ST6GALNAC3: variants seen among roughly 807,000 people sequenced by gnomAD.
ST6GALNAC3 encodes alpha-N-acetylgalactosaminide alpha-2,6-sialyltransferase 3.
ST6GALNAC3 carries 25 observed loss-of-function variants against 32.7 expected under a neutral mutation model. The observed-to-expected ratio is 0.76, with a 90% CI of 0.56 to 1.07. The LOEUF (loss-of-function observed/expected upper bound fraction) is 1.07, where lower values mean the gene tolerates loss of function less well. Ranked by LOEUF, ST6GALNAC3 falls within the 50% of genes least tolerant of loss-of-function variation. The pLI is 0.00. For synonymous variants in ST6GALNAC3, 129 were observed against 133.1 expected, an observed-to-expected ratio of 0.97 and a Z score of 0.21; for missense variants, 355 against 382.4, an observed-to-expected ratio of 0.93 and a Z score of 0.60.
intron 1 of ST6GALNAC3, among the ~76,000 whole-genome samples, chr1:76,254,878 A>G (rs1657828171): frequency 6.6e-6 from 1 of 152,072 alleles, no homozygotes. Flanking sequence ...AGGCAACTTG[A>G]GCAGGAACAA....
chr1:76,291,574 G>A (rs1280314527), intron 1 of ST6GALNAC3, among the ~76,000 whole-genome samples: 1 of 152,236 alleles, frequency 6.6e-6, no homozygotes, highest in East Asian at 1.9e-4. Context: ...CGAAAGAGCA[G>A]GCTGCTTGTC....
chr1:76,126,007 G>A (rs563540125), intron 1 of ST6GALNAC3, among the ~76,000 whole-genome samples: 1 of 152,286 alleles, frequency 6.6e-6, no homozygotes, highest in South Asian at 2.1e-4. Context: ...GAGACAGCAA[G>A]GTCCCCTGGG....
chr1:76,304,999 G>A (rs1023541784), intron 1 of ST6GALNAC3, among the ~76,000 whole-genome samples: 1 of 152,022 alleles, frequency 6.6e-6, no homozygotes, highest in South Asian at 2.1e-4. Flanking sequence ...CACCTGTTCC[G>A]ATTACCTTCA....
At chr1:76,149,452 C>T (rs1176915517) in intron 1 of ST6GALNAC3, among the ~76,000 whole-genome samples, 3 of 152,190 alleles carry the variant, frequency 2.0e-5, no homozygotes, top group African/African-American at 7.2e-5. Context: ...GGATAATCCC[C>T]ACTTCCCCGC....
intron 1 of ST6GALNAC3, among the ~76,000 whole-genome samples, chr1:76,120,896 G>A (rs1342453222): frequency 6.6e-6 from 1 of 152,120 alleles, no homozygotes. Flanking sequence ...CAGCTGGGCT[G>A]CAATGCTTCT....
chr1:76,347,317 C>T (rs556724799), intron 2 of ST6GALNAC3, among the ~76,000 whole-genome samples: 82 of 152,218 alleles, frequency 5.4e-4, no homozygotes, highest in Non-Finnish European at 1.1e-3. Flanking sequence ...GACTTAAAAA[C>T]GTTATTCCAG....
intron 3 of ST6GALNAC3, among the ~76,000 whole-genome samples, chr1:76,566,800 G>C (rs537211321): frequency 6.6e-6 from 1 of 152,300 alleles, no homozygotes; most frequent in East Asian, 1.9e-4. Flanking sequence ...TATTACATGA[G>C]AGGAGGTTTG....
chr1:76,211,686 C>T (rs1159484696), intron 1 of ST6GALNAC3, among the ~76,000 whole-genome samples: 1 of 150,782 alleles, frequency 6.6e-6, no homozygotes, highest in African/African-American at 2.4e-5. Context: ...ATCACAAGGA[C>T]AAAATACCAA....
chr1:76,239,269 C>T (rs1045186460), intron 1 of ST6GALNAC3, among the ~76,000 whole-genome samples: 6 of 152,116 alleles, frequency 3.9e-5, no homozygotes, highest in African/African-American at 1.4e-4. Context: ...CCCAAGTCAG[C>T]ATCCTTGAAC....
intron 1 of ST6GALNAC3, among the ~76,000 whole-genome samples, chr1:76,156,886 C>T (rs573672797): frequency 5.5e-4 from 84 of 152,354 alleles, no homozygotes; most frequent in East Asian, 4.1e-3. Flanking sequence ...CGCCCGCCAC[C>T]ACGCCCGGCT....
At chr1:76,111,892 CCCCCTTTCT>C (rs1647978126) in intron 1 of ST6GALNAC3, among the ~76,000 whole-genome samples, 1 of 152,202 alleles carries the variant, frequency 6.6e-6, no homozygotes, top group African/African-American at 2.4e-5. Flanking sequence ...CCCACCTTTC[CCCCCTTTCT>C]ATTCCACAAA....
intron 1 of ST6GALNAC3, among the ~76,000 whole-genome samples, chr1:76,112,155 C>A (rs1322549188): frequency 6.9e-6 from 1 of 144,532 alleles, no homozygotes; most frequent in African/African-American, 2.6e-5. Context: ...GGCGGCTGGC[C>A]GGGCAGAGGG....
intron 1 of ST6GALNAC3, among the ~76,000 whole-genome samples, chr1:76,144,453 G>A (rs1376081747): frequency 6.6e-6 from 1 of 152,154 alleles, no homozygotes; most frequent in Non-Finnish European, 1.5e-5. Flanking sequence ...GACAAATATT[G>A]GAGTGTGTTG....
chr1:76,604,263 G>A (rs925276064), intron 3 of ST6GALNAC3, among the ~76,000 whole-genome samples: 2 of 152,140 alleles, frequency 1.3e-5, no homozygotes, highest in South Asian at 2.1e-4. Flanking sequence ...AACACCAGAC[G>A]TTAAAGGTTC....
chr1:76,508,004 T>G (rs1414950033), intron 3 of ST6GALNAC3, among the ~76,000 whole-genome samples: 1 of 152,196 alleles, frequency 6.6e-6, no homozygotes, highest in Non-Finnish European at 1.5e-5. Context: ...ACTGTGGTTT[T>G]GATTTGGACT....
rs551440415 is a variant in ST6GALNAC3, at chr1:76,492,981, A to G, written c.623+80564A>G. Reference sequence around the variant, plus strand: ...TACATTCTTACTTCCCTTTAGGGTTAGGCCTAGAAGGAGAAAGAGGAAGGA... The same window carrying G: ...TACATTCTTACTTCCCTTTAGGGTTGGGCCTAGAAGGAGAAAGAGGAAGGA... On this transcript the variant is annotated intron_variant, in intron 3 of 4. Coordinates refer to ENST00000328299, the MANE Select transcript of ST6GALNAC3 (RefSeq NM_152996.4). Among the ~76,000 whole-genome samples, 5 of 151,916 alleles carry G rather than the reference A, an allele frequency of 3.3e-5. No individual in the cohort carries two copies. The South Asian group carries it at 1.0e-3, about 32-fold the overall frequency.
chr1:76,247,739 G>A (rs1657356934), intron 1 of ST6GALNAC3, among the ~76,000 whole-genome samples: 1 of 152,018 alleles, frequency 6.6e-6, no homozygotes, highest in Non-Finnish European at 1.5e-5. Context: ...TCAAGCCAAT[G>A]GTTCTTAGCT....
intron 1 of ST6GALNAC3, among the ~76,000 whole-genome samples, chr1:76,212,661 A>AT (rs553724001): frequency 3.3e-5 from 5 of 151,648 alleles, no homozygotes; most frequent in Non-Finnish European, 5.9e-5. Context: ...CAACAATTGA[A>AT]TTTTTTTTTC....
At chr1:76,205,667 G>GCAT (rs1654780722) in intron 1 of ST6GALNAC3, among the ~76,000 whole-genome samples, 1 of 152,126 alleles carries the variant, frequency 6.6e-6, no homozygotes, top group East Asian at 1.9e-4. Context: ...ATCTACAATG[G>GCAT]CATTGAGGAA....
Sources: allele counts gnomAD v4.1 joint callset (sites outside exome capture counted in the v4.1 genomes callset), GRCh38; gene constraint gnomAD v4.1.1; transcripts MANE v1.5; gene names NCBI Gene and HGNC (gene_info 2026-07-23, HGNC 2026-07-21).